CDON: variants seen among roughly 807,000 people sequenced by gnomAD.
CDON encodes cell adhesion associated, oncogene regulated.
CDON carries 73 observed loss-of-function variants against 120.9 expected under a neutral mutation model. That is an observed-to-expected ratio of 0.60 (90% CI 0.50 to 0.73). The LOEUF is 0.73. CDON is among the 30% of genes least tolerant of loss of function. The pLI, the probability that CDON is intolerant of heterozygous loss-of-function variation, is 0.00. For synonymous variants in CDON, 566 were observed against 573.5 expected, an observed-to-expected ratio of 0.99 and a Z score of 0.19; for missense variants, 1,470 against 1,587.3, an observed-to-expected ratio of 0.93 and a Z score of 1.26.
chr11:126,006,398 T>C (rs914166870), intron 8 of CDON, among the ~76,000 whole-genome samples: 2 of 152,198 alleles, frequency 1.3e-5, no homozygotes, highest in African/African-American at 4.8e-5. Context: ...CCAGGCATGG[T>C]GGCTGACACC....
chr11:126,050,100 A>C (rs1188986402), intron 1 of CDON, among the ~76,000 whole-genome samples: 1 of 152,008 alleles, frequency 6.6e-6, no homozygotes, highest in East Asian at 1.9e-4. Context: ...TGAGTTTAAA[A>C]ATATAAGATA....
At position 125,971,036 on chromosome 11, in the gene CDON, T is replaced by C. The variant is rs150547085; in HGVS notation, c.3356+7268A>G. Among the ~76,000 whole-genome samples the C allele has an allele frequency of 2.9e-3, 445 of 152,196 alleles. 8 individuals carry two copies. In the South Asian group the frequency reaches 0.042, roughly 14 times the overall value. On this transcript the variant is annotated intron_variant, in intron 18 of 19. Transcript: ENST00000531738. ...CTCAGGTGAACTGGACAACTTGTTG[T>C]TTTAATACTTAGCAAACCAACTGGG...
At chr11:126,052,863 A>G (rs979885381) in intron 1 of CDON, among the ~76,000 whole-genome samples, 3 of 152,152 alleles carry the variant, frequency 2.0e-5, no homozygotes, top group African/African-American at 7.2e-5. Context: ...TATACTGTAT[A>G]ACAGCTATTT....
intron 1 of CDON, among the ~76,000 whole-genome samples, chr11:126,031,258 G>A (rs1190921278): frequency 1.3e-5 from 2 of 152,196 alleles, no homozygotes; most frequent in Non-Finnish European, 2.9e-5. Flanking sequence ...GTGAGGACAT[G>A]TGACAAGTAA....
chr11:126,049,855 G>A (rs1948511721), intron 1 of CDON, among the ~76,000 whole-genome samples: 1 of 152,176 alleles, frequency 6.6e-6, no homozygotes, highest in South Asian at 2.1e-4. Context: ...TTCAGATTTT[G>A]TATTCATTCT....
chr11:126,060,875 G>C (rs778681055), intron 1 of CDON, among the ~76,000 whole-genome samples: 3 of 152,198 alleles, frequency 2.0e-5, no homozygotes, highest in Non-Finnish European at 4.4e-5. Flanking sequence ...GCTAGATTTA[G>C]AAGCCAAGCT....
intron 1 of CDON, among the ~76,000 whole-genome samples, chr11:126,038,545 G>A (rs984826171): frequency 1.2e-4 from 18 of 151,942 alleles, no homozygotes; most frequent in South Asian, 8.4e-4. Flanking sequence ...CCAGCTACTC[G>A]GGACGCTGAG....
At chr11:126,002,599 C>T (rs931639198) in intron 10 of CDON, among the ~76,000 whole-genome samples, 3 of 152,166 alleles carry the variant, frequency 2.0e-5, no homozygotes, top group Admixed American at 2.0e-4. Flanking sequence ...CAAGCCTTCC[C>T]TCACAAGCCG....
chr11:126,017,229 C>A lies in CDON; in HGVS notation c.787G>T (p.Ala263Ser). The A allele has an allele frequency of 6.2e-7, 1 of 1,614,130 alleles. No individual in the cohort carries two copies. Among genetic ancestry groups the A allele is most frequent in the Non-Finnish European group, 8.5e-7 (1 of 1,180,034 alleles). ...AACCTTCTCCAGTTGCTTCCTGGTG[C>A]AATGTCCTGCCCGTCCTTTAGCCAA... is the stretch of plus-strand genomic sequence containing the variant. ...VYWLKDGQDI[A>S]PGSNWRRLYS... Residue 263 changes from alanine (A) to serine (S), a missense_variant, in exon 6 of 20, where the codon GCA becomes TCA. Coordinates refer to ENST00000531738, the MANE Select transcript of CDON (RefSeq NM_001378964.1).
At chr11:126,059,782 T>C (rs1015680607) in intron 1 of CDON, among the ~76,000 whole-genome samples, 6 of 152,172 alleles carry the variant, frequency 3.9e-5, no homozygotes, top group Non-Finnish European at 8.8e-5. Context: ...GTGGCTCTTT[T>C]AGGCAAGTAT....
intron 11 of CDON, among the ~76,000 whole-genome samples, chr11:125,999,416 T>G (rs146716771): frequency 6.6e-6 from 1 of 152,222 alleles, no homozygotes; most frequent in Non-Finnish European, 1.5e-5. Context: ...TTCTCCACTT[T>G]CTGGACGATC....
intron 1 of CDON, among the ~76,000 whole-genome samples, chr11:126,041,635 T>C (rs955393319): frequency 2.0e-5 from 3 of 152,174 alleles, no homozygotes; most frequent in Non-Finnish European, 4.4e-5. Context: ...TTTAAGTAGA[T>C]TTTAACAGTA....
intron 1 of CDON, among the ~76,000 whole-genome samples, chr11:126,044,634 G>A (rs1352177719): frequency 2.6e-5 from 4 of 152,154 alleles, no homozygotes; most frequent in Admixed American, 2.6e-4. Flanking sequence ...AATAAGCCAG[G>A]CACAGGAAGA....
At chr11:126,055,991 T>C (rs1412114169) in intron 1 of CDON, among the ~76,000 whole-genome samples, 2 of 152,214 alleles carry the variant, frequency 1.3e-5, no homozygotes, top group Non-Finnish European at 2.9e-5. Context: ...TTTTAACATA[T>C]TTCCTACCTC....
intron 1 of CDON, among the ~76,000 whole-genome samples, chr11:126,053,231 C>T (rs1425471424): frequency 6.6e-6 from 1 of 152,150 alleles, no homozygotes; most frequent in East Asian, 1.9e-4. Context: ...CAGTAAGATG[C>T]ACCCAGGAGG....
chr11:125,966,953 C>CTTCA (rs1223799635), intron 18 of CDON, among the ~76,000 whole-genome samples: 1 of 151,194 alleles, frequency 6.6e-6, no homozygotes, highest in Admixed American at 6.6e-5. Flanking sequence ...AATCTGTCAC[C>CTTCA]TTCAGTCTTG....
chr11:125,969,921 G>A (rs1354389073), intron 18 of CDON, among the ~76,000 whole-genome samples: 1 of 152,186 alleles, frequency 6.6e-6, no homozygotes, highest in Admixed American at 6.5e-5. Context: ...AAACTATACA[G>A]CACCTCTGAA....
chr11:126,035,961 C>T (rs1390130711), intron 1 of CDON, among the ~76,000 whole-genome samples: 2 of 152,090 alleles, frequency 1.3e-5, no homozygotes, highest in Admixed American at 6.5e-5. Flanking sequence ...CACACATGCA[C>T]GAAGCGGCAG....
At chr11:126,000,656 T>A (rs1946916966) in intron 11 of CDON, among the ~76,000 whole-genome samples, 1 of 152,344 alleles carries the variant, frequency 6.6e-6, no homozygotes. Context: ...AAATTAATAC[T>A]CATATACGTA....
Sources: gnomAD v4.1 joint callset for allele counts (sites outside exome capture counted in the v4.1 genomes callset) on GRCh38, gnomAD v4.1.1 for gene constraint, MANE v1.5 for transcripts, NCBI Gene and HGNC (gene_info 2026-07-23, HGNC 2026-07-21) for gene names.